CERS6: variants seen among roughly 807,000 people sequenced by gnomAD.
The protein encoded by CERS6 is ceramide synthase 6.
In CERS6, 26 loss-of-function variants were observed where a neutral mutation model predicts 56.8. That is an observed-to-expected ratio of 0.46 (90% CI 0.34 to 0.63). CERS6 has a LOEUF of 0.63. CERS6 is among the 30% of genes least tolerant of loss of function. The probability of loss-of-function intolerance (pLI) is 0.01; values close to 1 mark genes in which losing one functional copy is unlikely to be tolerated. For synonymous variants in CERS6, 164 were observed against 173.3 expected, an observed-to-expected ratio of 0.95 and a Z score of 0.42; for missense variants, 415 against 467.5, an observed-to-expected ratio of 0.89 and a Z score of 1.04.
chr2:168,618,109 T>C (rs1231993085), intron 3 of CERS6, among the ~76,000 whole-genome samples: 1 of 152,108 alleles, frequency 6.6e-6, no homozygotes, highest in Non-Finnish European at 1.5e-5. Flanking sequence ...ATACAACACA[T>C]AAACAGAATA....
At chr2:168,752,542 C>T (rs1413476751) in intron 8 of CERS6, among the ~76,000 whole-genome samples, 3 of 152,186 alleles carry the variant, frequency 2.0e-5, no homozygotes, top group Non-Finnish European at 4.4e-5. Context: ...CCAGCCAGTC[C>T]TTGTGTATTC....
In CERS6 at chr2:168,701,897, C is replaced by G. The variant is rs564131482; in HGVS notation, c.609+6846C>G. On this transcript the variant is annotated intron_variant, in intron 6 of 9. Coordinates refer to ENST00000305747, the MANE Select transcript of CERS6 (RefSeq NM_203463.3). Reference sequence around the variant, plus strand: ...ATAAAATTGTATATTTTTGTACAACCGATGCACATCCTCCCATATACTTTA... The same window carrying G: ...ATAAAATTGTATATTTTTGTACAACGGATGCACATCCTCCCATATACTTTA... Among the ~76,000 whole-genome samples the G allele has an allele frequency of 1.3e-3, 197 of 151,920 alleles. 3 individuals are homozygous for G. The highest frequency in any genetic ancestry group is 0.012 in the Admixed American group (187 of 15,274).
chr2:168,564,568 C>G (rs1271385640), intron 3 of CERS6, among the ~76,000 whole-genome samples: 1 of 152,168 alleles, frequency 6.6e-6, no homozygotes, highest in East Asian at 1.9e-4. Context: ...TAGAATCTGT[C>G]TTTTGCTTGT....
chr2:168,658,220 T>G (rs1418748228), intron 4 of CERS6, among the ~76,000 whole-genome samples: 1 of 152,206 alleles, frequency 6.6e-6, no homozygotes, highest in East Asian at 1.9e-4. Flanking sequence ...TAGTTTATAC[T>G]CAATATAAAT....
At chr2:168,506,744 C>A (rs958202958) in intron 1 of CERS6, among the ~76,000 whole-genome samples, 2 of 152,120 alleles carry the variant, frequency 1.3e-5, no homozygotes, top group Non-Finnish European at 2.9e-5. Flanking sequence ...CTTTCACAAG[C>A]AGTAAAGCAT....
At chr2:168,496,528 C>G (rs1476228564) in intron 1 of CERS6, among the ~76,000 whole-genome samples, 1 of 152,138 alleles carries the variant, frequency 6.6e-6, no homozygotes, top group Admixed American at 6.6e-5. Flanking sequence ...ATCACCAGCA[C>G]CTGGGACACC....
intron 6 of CERS6, among the ~76,000 whole-genome samples, chr2:168,698,741 A>G (rs1457067812): frequency 6.6e-6 from 1 of 152,164 alleles, no homozygotes; most frequent in African/African-American, 2.4e-5. Context: ...GAAGTGTATC[A>G]TTTTGTATTA....
chr2:168,493,961 A>G (rs867492101), intron 1 of CERS6, among the ~76,000 whole-genome samples: 6 of 152,114 alleles, frequency 3.9e-5, no homozygotes, highest in African/African-American at 1.4e-4. Context: ...TCAAGACTGC[A>G]CAGACTAAGG....
intron 1 of CERS6, among the ~76,000 whole-genome samples, chr2:168,512,775 C>T (rs954016682): frequency 6.0e-5 from 9 of 151,226 alleles, no homozygotes; most frequent in African/African-American, 2.2e-4. Flanking sequence ...TCAAGCGATT[C>T]TCCTGCTTCA....
At chr2:168,711,580 A>G (rs1687090599) in intron 6 of CERS6, among the ~76,000 whole-genome samples, 1 of 152,038 alleles carries the variant, frequency 6.6e-6, no homozygotes, top group African/African-American at 2.4e-5. Context: ...CCGAAAATAC[A>G]AAAATTAGCT....
chr2:168,731,527 A>G (rs979483351), intron 8 of CERS6, among the ~76,000 whole-genome samples: 3 of 152,088 alleles, frequency 2.0e-5, no homozygotes, highest in Non-Finnish European at 4.4e-5. Context: ...TATCTTTTGT[A>G]TGCTACTGAA....
intron 3 of CERS6, among the ~76,000 whole-genome samples, chr2:168,590,330 A>G (rs1413891610): frequency 2.0e-5 from 3 of 152,364 alleles, no homozygotes; most frequent in Middle Eastern, 3.4e-3. Flanking sequence ...AAATTAGGCT[A>G]TCATATAAAC....
At chr2:168,534,257 C>G (rs1695218365) in intron 1 of CERS6, among the ~76,000 whole-genome samples, 1 of 152,102 alleles carries the variant, frequency 6.6e-6, no homozygotes, top group Non-Finnish European at 1.5e-5. Flanking sequence ...GTTCTGCACC[C>G]TTGCTGGGGC....
chr2:168,518,435 A>G lies in CERS6; in HGVS notation c.171-29161A>G, dbSNP rs141522456. ...GTGTAAGAAATGATTCTTGAAATCT[A>G]TGGGATTTCTGAATATTTCATAGCT... is the stretch of plus-strand genomic sequence containing the variant. On this transcript the variant is annotated intron_variant, in intron 1 of 9. Coordinates refer to ENST00000305747, the MANE Select transcript of CERS6 (RefSeq NM_203463.3). Among the ~76,000 whole-genome samples, 19 of 152,348 alleles carry G rather than the reference A, an allele frequency of 1.2e-4. No homozygotes were observed. The East Asian group carries it at 1.7e-3, about 14-fold the overall frequency.
chr2:168,510,621 A>C (rs1325535078), intron 1 of CERS6, among the ~76,000 whole-genome samples: 1 of 152,224 alleles, frequency 6.6e-6, no homozygotes, highest in East Asian at 1.9e-4. Flanking sequence ...CTGTGTTGTC[A>C]TCAATAAGTA....
chr2:168,477,078 T>C (rs571990080), intron 1 of CERS6, among the ~76,000 whole-genome samples: 2 of 152,026 alleles, frequency 1.3e-5, no homozygotes, highest in East Asian at 3.9e-4. Context: ...ATGCAGTGTC[T>C]GGTGAGGCAC....
chr2:168,669,373 A>T (rs562506906), intron 4 of CERS6, among the ~76,000 whole-genome samples: 1 of 152,336 alleles, frequency 6.6e-6, no homozygotes, highest in Admixed American at 6.5e-5. Flanking sequence ...TTTTCACTTC[A>T]TAGACCAGAA....
At chr2:168,523,530 C>T (rs1489982485) in intron 1 of CERS6, among the ~76,000 whole-genome samples, 4 of 151,910 alleles carry the variant, frequency 2.6e-5, no homozygotes, top group East Asian at 1.9e-4. Flanking sequence ...ACACTGTGTA[C>T]GACAGTGGCA....
chr2:168,582,344 G>A (rs1683433439), intron 3 of CERS6, among the ~76,000 whole-genome samples: 1 of 152,140 alleles, frequency 6.6e-6, no homozygotes, highest in African/African-American at 2.4e-5. Context: ...GCCAGAAGGA[G>A]CTGTGGTGTT....
Sources: gnomAD v4.1 joint callset for allele counts (sites outside exome capture counted in the v4.1 genomes callset) on GRCh38, gnomAD v4.1.1 for gene constraint, MANE v1.5 for transcripts, NCBI Gene and HGNC (gene_info 2026-07-23, HGNC 2026-07-21) for gene names.